Variants in SH3GL3 observed in about 807,000 individuals in gnomAD.
SH3GL3 encodes SH3 domain containing GRB2 like 3, endophilin A3.
In SH3GL3, 33 loss-of-function variants were observed where a neutral mutation model predicts 47.7. That is an observed-to-expected ratio of 0.69 (90% CI 0.52 to 0.92). The LOEUF is 0.92. Among genes scored for constraint, SH3GL3 ranks in the 40% least tolerant of loss-of-function variants. The pLI is 0.00. For synonymous variants in SH3GL3, 155 were observed against 148.8 expected (o/e 1.04, Z -0.30); for missense variants, 363 against 417.8 (o/e 0.87, Z 1.14).
Position 83,618,516 on chromosome 15 carries a change from G to A in SH3GL3, c.*229G>A, listed in dbSNP as rs1048773649. ...TTTGCTTCCTGTCCTAAAAGTCATT[G>A]GTTAAATGTATTTGCTTCCTGTGGC... is the stretch of plus-strand genomic sequence containing the variant. On this transcript the variant is annotated 3_prime_UTR_variant, in exon 9 of 9. Coordinates refer to ENST00000427482, the MANE Select transcript of SH3GL3 (RefSeq NM_003027.5). 3 of 488,106 alleles carry A rather than the reference G, an allele frequency of 6.1e-6. No homozygotes were observed. The South Asian group carries it at 8.5e-5, about 14-fold the overall frequency. The allele number at this position is 488,106 out of a possible 1,614,324, so 30.2% of individuals were successfully genotyped here.
intron 1 of SH3GL3, among the ~76,000 whole-genome samples, chr15:83,492,952 G>T (rs906080891): frequency 1.3e-5 from 2 of 152,218 alleles, no homozygotes; most frequent in African/African-American, 4.8e-5. Flanking sequence ...ACCAAAGTAG[G>T]ACAGGGACAA....
At chr15:83,617,971 G>A (rs1490550565) in intron 8 of SH3GL3, 111 bp from the exon 9 acceptor site, 4 of 726,418 alleles carry the variant, frequency 5.5e-6, no homozygotes, top group African/African-American at 5.2e-5. Context: ...CTTGTGGGAA[G>A]GAAGCAAGGC....
intron 1 of SH3GL3, among the ~76,000 whole-genome samples, chr15:83,494,675 T>C (rs1245191964): frequency 6.6e-6 from 1 of 151,968 alleles, no homozygotes; most frequent in African/African-American, 2.4e-5. Context: ...CCTGAGTAGC[T>C]GGGACAACAG....
chr15:83,588,696 T>C lies in SH3GL3; in HGVS notation c.763T>C (p.Tyr255His). The change falls in exon 8 of 9, where the codon TAC becomes CAC. Residue 255 changes from tyrosine to histidine, a missense_variant. Coordinates refer to ENST00000427482, the MANE Select transcript of SH3GL3 (RefSeq NM_003027.5). ...SAASSVPRRE[Y>H]KPRPVKRSSS... is the part of the protein sequence containing the mutation. ...TGCATCCAGTGTCCCCAGACGAGAA[T>C]ACAAGCCAAGGCCTGTGAAAAGGAG... 1 of 1,612,426 alleles carries C rather than the reference T, an allele frequency of 6.2e-7. No homozygotes were observed. Among genetic ancestry groups the C allele is most frequent in the Non-Finnish European group, 8.5e-7 (1 of 1,178,388 alleles).
intron 1 of SH3GL3, among the ~76,000 whole-genome samples, chr15:83,520,760 T>C (rs541150473): frequency 2.0e-5 from 3 of 152,262 alleles, no homozygotes; most frequent in East Asian, 3.9e-4. Flanking sequence ...CTGTATTGAA[T>C]ACTGGAAATT....
At chr15:83,488,486 G>A (rs962510786) in intron 1 of SH3GL3, among the ~76,000 whole-genome samples, 5 of 152,222 alleles carry the variant, frequency 3.3e-5, no homozygotes, top group African/African-American at 7.2e-5. Flanking sequence ...GGAGCAGTCC[G>A]TGGAGTCAGG....
chr15:83,490,269 T>G (rs562666351), intron 1 of SH3GL3, among the ~76,000 whole-genome samples: 2 of 151,570 alleles, frequency 1.3e-5, no homozygotes, highest in Non-Finnish European at 2.9e-5. Flanking sequence ...TTTTGCGTTT[T>G]TTTTTTTTTT....
rs552956412 is a variant in SH3GL3 at position 83,567,990 on chromosome 15, T to C, written c.188-539T>C. 5.9e-5 allele frequency among the ~76,000 whole-genome samples: 9 copies of C among 151,386 alleles called. No homozygotes were observed. In the South Asian group the frequency reaches 1.9e-3, roughly 32 times the overall value. On this transcript the variant is annotated intron_variant, in intron 3 of 8. Coordinates refer to ENST00000427482, the MANE Select transcript of SH3GL3 (RefSeq NM_003027.5). ...TTTTCTTTCTTTCTTTCTTTCTTTT[T>C]TTTTTTTTTGAGACAAAGTCTCGCT...
At chr15:83,576,522 A>T in intron 5 of SH3GL3, 61 bp from the exon 6 acceptor site, 2 of 1,455,114 alleles carry the variant, frequency 1.4e-6, no homozygotes, top group Non-Finnish European at 1.9e-6. Context: ...AATAGAAATA[A>T]TTTTTTGTGC....
rs1272932616 is a variant in SH3GL3, at chr15:83,450,702, TTTC to T, written c.45+3127_45+3129del. 7.1e-3 allele frequency among the ~76,000 whole-genome samples: 851 copies of T among 120,264 alleles called. 3 individuals carry two copies. The highest frequency in any genetic ancestry group is 0.013 in the Non-Finnish European group (639 of 51,118). The allele number at this position is 120,264 out of a possible 152,430, so 78.9% of individuals were successfully genotyped here. On this transcript the variant is annotated intron_variant, in intron 1 of 8. Coordinates refer to ENST00000427482, the MANE Select transcript of SH3GL3 (RefSeq NM_003027.5). ...AGCGTTTGAGACTAGAACCCAAATT[TTTC>T]TTTTTTTTTTTTTTTCTAATATGCA...
intron 7 of SH3GL3, 63 bp downstream of exon 7, chr15:83,587,149 C>A (rs1037640145): frequency 2.3e-5 from 19 of 826,678 alleles, no homozygotes; most frequent in Non-Finnish European, 3.6e-5. Flanking sequence ...TGAAATCCAT[C>A]TGTCTGTCTC....
Position 83,588,692 on chromosome 15 carries a change from A to G in SH3GL3, c.759A>G (p.Arg253=), listed in dbSNP as rs140124071. The G allele has an allele frequency of 8.7e-6, 14 of 1,612,030 alleles. 1 individual carries two copies. In the Middle Eastern group the frequency reaches 8.3e-4, roughly 95 times the overall value. The change falls in exon 8 of 9, where the codon CGA becomes CGG. Residue 253 remains arginine, a synonymous_variant. Coordinates refer to ENST00000427482, the MANE Select transcript of SH3GL3 (RefSeq NM_003027.5). ...RISAASSVPR[R]EYKPRPVKRS... is the part of the protein sequence containing the mutation. ...CAGCTGCATCCAGTGTCCCCAGACG[A>G]GAATACAAGCCAAGGCCTGTGAAAA...
At chr15:83,572,793 C>A in intron 5 of SH3GL3, 95 bp downstream of exon 5, 3 of 853,552 alleles carry the variant, frequency 3.5e-6, no homozygotes, top group Non-Finnish European at 5.4e-6. Context: ...AAAGCATCAT[C>A]TTATGATGCT....
intron 1 of SH3GL3, among the ~76,000 whole-genome samples, chr15:83,489,994 G>C (rs1455754200): frequency 1.3e-5 from 2 of 152,172 alleles, no homozygotes; most frequent in Non-Finnish European, 2.9e-5. Context: ...TAGATAAAAG[G>C]GAACCAAATA....
At chr15:83,546,823 G>C (rs1232398278) in intron 1 of SH3GL3, among the ~76,000 whole-genome samples, 1 of 152,164 alleles carries the variant, frequency 6.6e-6, no homozygotes, top group Non-Finnish European at 1.5e-5. Flanking sequence ...TCTGGACCAG[G>C]ATGGGTCTAG....
chr15:83,473,505 AC>A (rs1317102711), intron 1 of SH3GL3, among the ~76,000 whole-genome samples: 2 of 150,566 alleles, frequency 1.3e-5, no homozygotes, highest in Admixed American at 6.6e-5. Flanking sequence ...GAGAGAGCAG[AC>A]ATTTGCTTGG....
At chr15:83,569,641 A>G (rs774381114) in intron 4 of SH3GL3, among the ~76,000 whole-genome samples, 128 of 152,220 alleles carry the variant, frequency 8.4e-4, no homozygotes, top group Admixed American at 1.9e-3. Flanking sequence ...GAGTGAGGGT[A>G]TATTTCTCTA....
chr15:83,551,517 A>G (rs966385909), intron 1 of SH3GL3, among the ~76,000 whole-genome samples: 3 of 152,154 alleles, frequency 2.0e-5, no homozygotes, highest in African/African-American at 4.8e-5. Context: ...TCTTCAAACT[A>G]TGTGTCCCCT....
intron 1 of SH3GL3, among the ~76,000 whole-genome samples, chr15:83,543,186 A>ATTTTTT (rs2044247361): frequency 6.6e-6 from 1 of 152,040 alleles, no homozygotes; most frequent in South Asian, 2.1e-4. Flanking sequence ...TTTTATAATG[A>ATTTTTT]AGGGACATTG....
Sources: gnomAD v4.1 joint callset for allele counts (sites outside exome capture counted in the v4.1 genomes callset) on GRCh38, gnomAD v4.1.1 for gene constraint, MANE v1.5 for transcripts, NCBI Gene and HGNC (gene_info 2026-07-23, HGNC 2026-07-21) for gene names.